The following GPC6 variants were observed in gnomAD, a reference collection of about 807,000 sequenced individuals.
GPC6 encodes the protein glypican-6.
GPC6 carries 14 observed loss-of-function variants against 55.2 expected under a neutral mutation model. That is an observed-to-expected ratio of 0.25 (90% CI 0.17 to 0.40). The LOEUF (loss-of-function observed/expected upper bound fraction) is 0.40. Ranked by LOEUF, GPC6 falls within the 10% of genes least tolerant of loss-of-function variation. The pLI is 1.00. For missense variants in GPC6, 641 were observed against 708.5 expected, an observed-to-expected ratio of 0.90 and a Z score of 1.08; for synonymous variants, 278 against 259.6, an observed-to-expected ratio of 1.07 and a Z score of -0.68.
chr13:93,491,733 A>G (rs1447315477), intron 1 of GPC6, among the ~76,000 whole-genome samples: 6 of 127,776 alleles, frequency 4.7e-5, no homozygotes, highest in Non-Finnish European at 8.3e-5. Flanking sequence ...TCAGCTTTCT[A>G]CATATGTCTA....
chr13:93,913,925 T>G (rs1344207580), intron 3 of GPC6, among the ~76,000 whole-genome samples: 1 of 146,772 alleles, frequency 6.8e-6, no homozygotes, highest in Non-Finnish European at 1.5e-5. Context: ...GTTTTCTACT[T>G]TAAGCTCCCC....
chr13:93,941,455 C>G (rs1195347980), intron 3 of GPC6, among the ~76,000 whole-genome samples: 4 of 152,150 alleles, frequency 2.6e-5, no homozygotes, highest in African/African-American at 9.7e-5. Context: ...GCAATTGTGG[C>G]ATGTGATTAA....
chr13:93,527,675 A>G (rs1419799021), intron 1 of GPC6, among the ~76,000 whole-genome samples: 1 of 152,122 alleles, frequency 6.6e-6, no homozygotes, highest in African/African-American at 2.4e-5. Flanking sequence ...ATTAATTGAA[A>G]AAGTGATGCC....
At chr13:93,277,005 C>T (rs1877778156) in intron 1 of GPC6, among the ~76,000 whole-genome samples, 1 of 152,150 alleles carries the variant, frequency 6.6e-6, no homozygotes, top group Non-Finnish European at 1.5e-5. Flanking sequence ...CTAAAATAGT[C>T]AGAAACCAGA....
At position 93,393,127 on chromosome 13, in the gene GPC6, T is replaced by TATATATAGAG. The variant is rs1230857277; in HGVS notation, c.161-152135_161-152134insTATATAGAGA. On this transcript the variant is annotated intron_variant, in intron 1 of 8. Transcript: ENST00000377047. ...TATTTGATATATATATATATATATA[T>TATATATAGAG]AGAGAGAGAGAGAGAGAGAGAGAGA... Among the ~76,000 whole-genome samples the TATATATAGAG allele has an allele frequency of 7.1e-4, 62 of 87,618 alleles. No individual in the cohort carries two copies. In the East Asian group the frequency reaches 8.6e-3, roughly 12 times the overall value. The allele number at this position is 87,618 out of a possible 152,430, so 57.5% of individuals were successfully genotyped here.
At chr13:93,349,600 AAGTTTC>A (rs1421840278) in intron 1 of GPC6, among the ~76,000 whole-genome samples, 8 of 152,216 alleles carry the variant, frequency 5.3e-5, no homozygotes, top group Non-Finnish European at 1.2e-4. Flanking sequence ...CATATTTAGA[AAGTTTC>A]AGTTAAATCT....
intron 4 of GPC6, among the ~76,000 whole-genome samples, chr13:94,204,654 G>T (rs184993969): frequency 6.6e-6 from 1 of 152,186 alleles, no homozygotes; most frequent in African/African-American, 2.4e-5. Flanking sequence ...AGCCTTGCAT[G>T]TGAAATTTGT....
chr13:94,233,040 T>C (rs1890780042), intron 4 of GPC6, among the ~76,000 whole-genome samples: 1 of 148,858 alleles, frequency 6.7e-6, no homozygotes, highest in African/African-American at 2.5e-5. Flanking sequence ...TGGAACTGAC[T>C]TGCACGGGAG....
At chr13:93,335,798 A>G (rs1210896549) in intron 1 of GPC6, among the ~76,000 whole-genome samples, 1 of 152,124 alleles carries the variant, frequency 6.6e-6, no homozygotes, top group East Asian at 1.9e-4. Flanking sequence ...GCCATTTCCT[A>G]TAGCATATGT....
chr13:94,295,759 T>A (rs1314175343), intron 5 of GPC6, among the ~76,000 whole-genome samples: 4 of 152,200 alleles, frequency 2.6e-5, no homozygotes, highest in Non-Finnish European at 5.9e-5. Context: ...GACAGGTTGT[T>A]TGGTCCCTTC....
In GPC6 at chr13:94,245,855, T is replaced by C. The variant is rs79161943; in HGVS notation, c.878-40494T>C. Among the ~76,000 whole-genome samples, 1,373 of 152,208 alleles carry C rather than the reference T, an allele frequency of 9.0e-3. 8 individuals are homozygous for C. Among genetic ancestry groups the C allele is most frequent in the Non-Finnish European group, 0.014 (965 of 67,988 alleles). On this transcript the variant is annotated intron_variant, in intron 4 of 8. Coordinates refer to ENST00000377047, the MANE Select transcript of GPC6 (RefSeq NM_005708.5). ...GAACATGGGATTGCAGATACCTTTGTGAGGTGATTATTTTATTTATACACA... is the reference window on the plus strand; with the variant it reads ...GAACATGGGATTGCAGATACCTTTGCGAGGTGATTATTTTATTTATACACA...
At chr13:93,360,887 AGCCTTT>A (rs1471405017) in intron 1 of GPC6, among the ~76,000 whole-genome samples, 1 of 152,132 alleles carries the variant, frequency 6.6e-6, no homozygotes, top group Admixed American at 6.5e-5. Flanking sequence ...TGGATGTGGA[AGCCTTT>A]AACTCCGTGA....
intron 2 of GPC6, among the ~76,000 whole-genome samples, chr13:93,604,608 ACTAATATCAGC>A (rs1378475417): frequency 6.6e-6 from 1 of 151,996 alleles, no homozygotes; most frequent in Non-Finnish European, 1.5e-5. Context: ...TGCTATCGTC[ACTAATATCAGC>A]CTTATGGAAA....
intron 6 of GPC6, among the ~76,000 whole-genome samples, chr13:94,354,063 A>C (rs368708993): frequency 2.6e-5 from 4 of 152,230 alleles, no homozygotes; most frequent in African/African-American, 9.6e-5. Context: ...CTTGATAAAG[A>C]CAACATCATG....
intron 1 of GPC6, among the ~76,000 whole-genome samples, chr13:93,475,420 G>A (rs923292006): frequency 7.3e-5 from 11 of 150,948 alleles, no homozygotes; most frequent in East Asian, 3.9e-4. Context: ...CTTAATTTAC[G>A]TTTCATTTGT....
intron 1 of GPC6, among the ~76,000 whole-genome samples, chr13:93,230,279 T>TA (rs1435162097): frequency 2.6e-5 from 4 of 152,318 alleles, no homozygotes; most frequent in Admixed American, 2.6e-4. Flanking sequence ...ATCAAAGTTT[T>TA]ACTCAGAACT....
At chr13:93,618,507 A>G (rs1878818861) in intron 2 of GPC6, among the ~76,000 whole-genome samples, 1 of 152,072 alleles carries the variant, frequency 6.6e-6, no homozygotes, top group African/African-American at 2.4e-5. Flanking sequence ...GCAATTAGGG[A>G]GGCAAAGATC....
At chr13:93,224,046 CG>C (rs1875692530), upstream of GPC6, among the ~76,000 whole-genome samples, 1 of 151,598 alleles carries the variant, frequency 6.6e-6, no homozygotes, top group Non-Finnish European at 1.5e-5. Context: ...ACTGCAGTGC[CG>C]GCCACCACAC....
intron 2 of GPC6, among the ~76,000 whole-genome samples, chr13:93,711,302 C>A (rs1378028627): frequency 1.3e-5 from 2 of 151,656 alleles, no homozygotes; most frequent in Non-Finnish European, 2.9e-5. Context: ...TGGAAGCAGG[C>A]AAGAGAGAGC....
Sources: gnomAD v4.1 joint callset for allele counts (sites outside exome capture counted in the v4.1 genomes callset) on GRCh38, gnomAD v4.1.1 for gene constraint, MANE v1.5 for transcripts, NCBI Gene and HGNC (gene_info 2026-07-23, HGNC 2026-07-21) for gene names.